HAT1: variants seen among roughly 807,000 people sequenced by gnomAD.
HAT1 encodes the protein histone acetyltransferase 1.
In HAT1, 20 loss-of-function variants were observed where a neutral mutation model predicts 56.6. The ratio of observed to expected loss-of-function variants is 0.35; its 90% CI spans 0.25 to 0.51. The LOEUF (loss-of-function observed/expected upper bound fraction) is 0.51. Among genes scored for constraint, HAT1 ranks in the 20% least tolerant of loss-of-function variants. The pLI is 0.95. For synonymous variants in HAT1, 146 were observed against 165.5 expected (o/e 0.88, Z 0.91); for missense variants, 408 against 504.3 (o/e 0.81, Z 1.83).
chr2:171,949,631 G>C (rs1321313874), intron 3 of HAT1, among the ~76,000 whole-genome samples: 1 of 148,974 alleles, frequency 6.7e-6, no homozygotes, highest in Non-Finnish European at 1.5e-5. Flanking sequence ...CTGAGATTGC[G>C]CCACTGCACT....
At chr2:171,972,682 G>A (rs992678957) in intron 8 of HAT1, among the ~76,000 whole-genome samples, 1 of 152,274 alleles carries the variant, frequency 6.6e-6, no homozygotes, top group Non-Finnish European at 1.5e-5. Context: ...GCAAGGCACA[G>A]CAGAGGTTTT....
At chr2:171,956,678 T>G (rs1048640343) in intron 4 of HAT1, among the ~76,000 whole-genome samples, 2 of 152,206 alleles carry the variant, frequency 1.3e-5, no homozygotes, top group Non-Finnish European at 2.9e-5. Flanking sequence ...GAACTTACTG[T>G]AAGCAATGAA....
chr2:171,978,217 A>G (rs1022741670), intron 9 of HAT1, among the ~76,000 whole-genome samples: 2 of 151,866 alleles, frequency 1.3e-5, no homozygotes, highest in African/African-American at 2.4e-5. Context: ...GGGGTACGCC[A>G]CCACACCTGG....
At chr2:171,965,978 C>T in intron 6 of HAT1, 70 bp downstream of exon 6, 6 of 1,300,646 alleles carry the variant, frequency 4.6e-6, no homozygotes, top group Non-Finnish European at 6.5e-6. Flanking sequence ...TTGTGGCAGC[C>T]CAATTATTGG....
chr2:171,971,384 A>G (rs1484502501), intron 8 of HAT1, among the ~76,000 whole-genome samples: 1 of 152,166 alleles, frequency 6.6e-6, no homozygotes, highest in Non-Finnish European at 1.5e-5. Flanking sequence ...CATCACTGAA[A>G]AGATCCTTCG....
In HAT1 at chr2:171,976,174, A is replaced by T. The variant is rs367808768; in HGVS notation, c.841A>T (p.Ser281Cys). ...LDITAEDPSK[S>C]YVKLRDFVLV... The stretch of plus-strand genomic sequence containing the variant: ...TTATTTAGCGGAAGATCCATCCAAA[A>T]GCTATGTGAAATTACGAGACTTTGT... Residue 281 changes from serine (S) to cysteine (C), a missense_variant, in exon 9 of 11, where the codon AGC becomes TGC. Transcript: ENST00000264108. 1.5e-5 allele frequency: 24 copies of T among 1,586,066 alleles called. No individual in the cohort carries two copies. The African/African-American group carries it at 2.3e-4, about 15-fold the overall frequency.
intron 9 of HAT1, among the ~76,000 whole-genome samples, chr2:171,978,840 C>T (rs375524707): frequency 1.9e-4 from 28 of 149,432 alleles, no homozygotes; most frequent in Admixed American, 1.4e-4. Context: ...AACTCTAATA[C>T]TTTGGGAGGT....
intron 4 of HAT1, among the ~76,000 whole-genome samples, chr2:171,958,436 TA>T (rs915333008): frequency 2.5e-4 from 38 of 151,646 alleles, no homozygotes; most frequent in South Asian, 4.2e-4. Context: ...TCCCCCTCAT[TA>T]AAAAAAATAT....
intron 2 of HAT1, among the ~76,000 whole-genome samples, chr2:171,944,364 TTCC>T (rs2105317379): frequency 6.6e-6 from 1 of 152,334 alleles, no homozygotes; most frequent in East Asian, 1.9e-4. Flanking sequence ...TTAGTTTAAC[TTCC>T]TCCTCTATCC....
At chr2:171,950,233 A>G (rs77133750) in intron 3 of HAT1, among the ~76,000 whole-genome samples, 1 of 151,810 alleles carries the variant, frequency 6.6e-6, no homozygotes, top group Non-Finnish European at 1.5e-5. Flanking sequence ...CAGTGGCATG[A>G]TCTTCTTGGC....
chr2:171,933,643 A>G (rs1291412626), intron 2 of HAT1, among the ~76,000 whole-genome samples: 1 of 152,058 alleles, frequency 6.6e-6, no homozygotes, highest in Non-Finnish European at 1.5e-5. Context: ...TTCCCTTGCG[A>G]CTTCTTTTTT....
intron 4 of HAT1, among the ~76,000 whole-genome samples, chr2:171,955,508 G>A (rs1044307325): frequency 8.6e-5 from 13 of 152,040 alleles, no homozygotes; most frequent in Non-Finnish European, 1.3e-4. Flanking sequence ...CAACTTGGGG[G>A]GCTGAGGCAG....
At chr2:171,934,563 C>T (rs73976530) in intron 2 of HAT1, among the ~76,000 whole-genome samples, 12 of 152,074 alleles carry the variant, frequency 7.9e-5, no homozygotes, top group African/African-American at 2.2e-4. Flanking sequence ...TAGAAGAAGG[C>T]GTTGGAGATT....
chr2:171,926,335 C>T (rs1382529545), intron 2 of HAT1, among the ~76,000 whole-genome samples: 1 of 152,098 alleles, frequency 6.6e-6, no homozygotes, highest in African/African-American at 2.4e-5. Flanking sequence ...CTCTTGTTGC[C>T]CAGGCTGGAG....
intron 2 of HAT1, among the ~76,000 whole-genome samples, chr2:171,933,980 C>T (rs1024622281): frequency 3.9e-5 from 6 of 152,184 alleles, no homozygotes; most frequent in African/African-American, 1.4e-4. Flanking sequence ...CTGTCAAAAT[C>T]TCCAGCTGGA....
At chr2:171,971,255 T>C (rs1335249282) in intron 8 of HAT1, among the ~76,000 whole-genome samples, 1 of 152,236 alleles carries the variant, frequency 6.6e-6, no homozygotes, top group African/African-American at 2.4e-5. Flanking sequence ...CGTTTGTCTC[T>C]AGTAGAGTTT....
At chr2:171,978,125 C>CA (rs768596541) in intron 9 of HAT1, among the ~76,000 whole-genome samples, 5 of 143,192 alleles carry the variant, frequency 3.5e-5, no homozygotes, top group Non-Finnish European at 6.0e-5. Flanking sequence ...GTGGTGTAAT[C>CA]ACGGCTACGG....
At position 171,922,520 on chromosome 2, in the gene HAT1, G is replaced by C. The variant is rs757593698; in HGVS notation, c.7+13G>C. The C allele has an allele frequency of 7.6e-7, 1 of 1,318,466 alleles. No homozygotes were observed. Among genetic ancestry groups the C allele is most frequent in the Non-Finnish European group, 9.8e-7 (1 of 1,024,114 alleles). 81.7% of individuals were successfully genotyped at this position (1,318,466 alleles called of 1,614,324 possible). ...TCGGAAATGGCGGGTAAGTTACCGG[G>C]AAAAGTTTACCAAGGGGAGGAGGCG... On this transcript the variant is annotated intron_variant, in intron 1 of 10. Coordinates refer to ENST00000264108, the MANE Select transcript of HAT1 (RefSeq NM_003642.4).
At position 171,925,631 on chromosome 2, in the gene HAT1, A is replaced by T. The variant is rs1686570527; in HGVS notation, c.102A>T (p.Glu34Asp). Reference protein sequence around the residue: ...EYKCNTNTAIELKLVRFPEDL... With the variant: ...EYKCNTNTAIDLKLVRFPEDL... ...AATGTAACACCAACACAGCAATTGAACTAAAATTAGGTATGTATGCCATTT... is the reference window on the plus strand; with the variant it reads ...AATGTAACACCAACACAGCAATTGATCTAAAATTAGGTATGTATGCCATTT... The change falls in exon 2 of 11, where the codon GAA (glutamate) becomes GAT (aspartate). Residue 34 changes from glutamate (E) to aspartate (D), a missense_variant. Glu to Asp is a conservative substitution (Grantham distance 45, BLOSUM62 2). Transcript: ENST00000264108. 1 of 1,416,286 alleles carries T rather than the reference A, an allele frequency of 7.1e-7. No individual in the cohort carries two copies. Among genetic ancestry groups the T allele is most frequent in the Admixed American group, 1.7e-5 (1 of 59,678 alleles). The allele number at this position is 1,416,286 out of a possible 1,614,324, so 87.7% of individuals were successfully genotyped here.
Sources: allele counts gnomAD v4.1 joint callset (sites outside exome capture counted in the v4.1 genomes callset), GRCh38; gene constraint gnomAD v4.1.1; transcripts MANE v1.5; gene names NCBI Gene and HGNC (gene_info 2026-07-23, HGNC 2026-07-21).